CAMTA1: variants seen among roughly 807,000 people sequenced by gnomAD.
CAMTA1 encodes the protein calmodulin binding transcription activator 1, also known as calmodulin-binding transcription activator 1.
CAMTA1 carries 27 observed loss-of-function variants against 170.9 expected under a neutral mutation model. That is an observed-to-expected ratio of 0.16 (90% CI 0.12 to 0.22). The LOEUF is 0.22. Ranked by LOEUF, CAMTA1 falls within the 10% of genes least tolerant of loss-of-function variation. CAMTA1 has a pLI of 1.00. For missense variants in CAMTA1, 1,619 were observed against 2,217.2 expected, an observed-to-expected ratio of 0.73 and a Z score of 5.42; for synonymous variants, 833 against 891.5, an observed-to-expected ratio of 0.93 and a Z score of 1.17.
chr1:7,371,723 C>T (rs959464003), intron 5 of CAMTA1, among the ~76,000 whole-genome samples: 1 of 152,204 alleles, frequency 6.6e-6, no homozygotes, highest in Non-Finnish European at 1.5e-5. Flanking sequence ...CTGCCCACAT[C>T]CCCGACATTC....
chr1:6,885,187 G>T (rs1672868581), intron 3 of CAMTA1, among the ~76,000 whole-genome samples: 1 of 152,130 alleles, frequency 6.6e-6, no homozygotes, highest in Non-Finnish European at 1.5e-5. Flanking sequence ...GAATGGACTG[G>T]AATAAATCCC....
At chr1:6,816,691 C>T (rs1570394039) in intron 1 of CAMTA1, among the ~76,000 whole-genome samples, 3 of 152,260 alleles carry the variant, frequency 2.0e-5, no homozygotes, top group South Asian at 4.1e-4. Context: ...CTGATTTGCC[C>T]GGACTTCTTA....
intron 3 of CAMTA1, among the ~76,000 whole-genome samples, chr1:7,051,156 G>C (rs549922601): frequency 6.6e-6 from 1 of 152,146 alleles, no homozygotes. Flanking sequence ...AGTGCTTAGC[G>C]GAAGGTTGAT....
At chr1:6,953,370 CA>C (rs979243822) in intron 3 of CAMTA1, among the ~76,000 whole-genome samples, 2 of 152,216 alleles carry the variant, frequency 1.3e-5, no homozygotes, top group African/African-American at 4.8e-5. Flanking sequence ...GGAACGTGGC[CA>C]AGATCTCAGT....
chr1:7,675,568 G>A (rs566428755), intron 10 of CAMTA1, among the ~76,000 whole-genome samples: 3 of 152,304 alleles, frequency 2.0e-5, no homozygotes, highest in African/African-American at 7.2e-5. Context: ...ACTCCCCCTG[G>A]TTTCCTGTAG....
chr1:7,643,727 T>C (rs893647549), intron 7 of CAMTA1, among the ~76,000 whole-genome samples: 1 of 152,240 alleles, frequency 6.6e-6, no homozygotes, highest in African/African-American at 2.4e-5. Flanking sequence ...AGCTCTCTGG[T>C]GTCTTGGGCT....
intron 3 of CAMTA1, among the ~76,000 whole-genome samples, chr1:6,974,881 T>C (rs1693139708): frequency 6.6e-6 from 1 of 152,224 alleles, no homozygotes; most frequent in Non-Finnish European, 1.5e-5. Flanking sequence ...AAAAAATTTA[T>C]CTGACAAATA....
Position 7,249,349 on chromosome 1 carries a change from G to A in CAMTA1, c.303-142G>A, listed in dbSNP as rs1331046146. 8 of 845,594 alleles carry A rather than the reference G, an allele frequency of 9.5e-6. No homozygotes were observed. The highest frequency in any genetic ancestry group is 1.4e-5 in the Non-Finnish European group (8 of 552,932). 52.4% of individuals were successfully genotyped at this position (845,594 alleles called of 1,614,324 possible). On this transcript the variant is annotated intron_variant, in intron 4 of 22. Coordinates refer to ENST00000303635, the MANE Select transcript of CAMTA1 (RefSeq NM_015215.4). The surrounding 1 kb of genome is among the most constrained non-coding windows in gnomAD (Gnocchi z 4.4). ...TAAAACATGGTTAATCCAGGGAGAT[G>A]CAATAAAAGGTGAAAAATTATGTTC...
chr1:7,462,358 C>T (rs987535242), intron 5 of CAMTA1, among the ~76,000 whole-genome samples: 2 of 152,150 alleles, frequency 1.3e-5, no homozygotes, highest in Non-Finnish European at 2.9e-5. Context: ...CTCCACCTCC[C>T]AGGTTCAAGC....
Position 7,354,473 on chromosome 1 carries a change from A to T in CAMTA1, c.438+104847A>T, listed in dbSNP as rs554306279. On this transcript the variant is annotated intron_variant, in intron 5 of 22. Coordinates refer to ENST00000303635, the MANE Select transcript of CAMTA1 (RefSeq NM_015215.4). ...CTACCACATTTTCTTTATCCAATCC[A>T]GTGTTCATGGGCACCTAGGTTGATT... 3.2e-3 allele frequency among the ~76,000 whole-genome samples: 488 copies of T among 152,248 alleles called. 4 individuals are homozygous for T. Among genetic ancestry groups the T allele is most frequent in the African/African-American group, 0.011 (467 of 41,534 alleles).
At chr1:7,425,529 T>G (rs2091831619) in intron 5 of CAMTA1, among the ~76,000 whole-genome samples, 1 of 151,876 alleles carries the variant, frequency 6.6e-6, no homozygotes, top group South Asian at 2.1e-4. Flanking sequence ...CCATGGCAGA[T>G]AAAGGGAGAG....
Position 6,979,913 on chromosome 1 carries a change from C to G in CAMTA1, c.235-111391C>G, listed in dbSNP as rs577468854. On this transcript the variant is annotated intron_variant, in intron 3 of 22. Transcript: ENST00000303635. Reference sequence around the variant, plus strand: ...CTCATCTAGCTTTCCTGGCTCTCCACAGCTGTTTGAGGGCTCAGCCCACTA... The same window carrying G: ...CTCATCTAGCTTTCCTGGCTCTCCAGAGCTGTTTGAGGGCTCAGCCCACTA... 3.9e-5 allele frequency among the ~76,000 whole-genome samples: 6 copies of G among 152,276 alleles called. No individual in the cohort carries two copies. The South Asian group carries it at 1.0e-3, about 26-fold the overall frequency.
In CAMTA1 at chr1:6,847,160, C is replaced by T. The variant is rs151154546; in HGVS notation, c.234+21950C>T. 4.6e-5 allele frequency among the ~76,000 whole-genome samples: 7 copies of T among 151,788 alleles called. No homozygotes were observed. In the East Asian group the frequency reaches 9.7e-4, roughly 21 times the overall value. On this transcript the variant is annotated intron_variant, in intron 3 of 22. Coordinates refer to ENST00000303635, the MANE Select transcript of CAMTA1 (RefSeq NM_015215.4). ...CTGGGATTATAGGCTTGTGCCACTG[C>T]GCCTGGCTTATTTTTCTACTTTTTA...
intron 6 of CAMTA1, among the ~76,000 whole-genome samples, chr1:7,578,354 G>A (rs1256997708): frequency 1.3e-5 from 2 of 152,214 alleles, no homozygotes; most frequent in Non-Finnish European, 2.9e-5. Flanking sequence ...CCTCCAGGGA[G>A]CCGGGAGCAC....
At position 7,044,162 on chromosome 1, in the gene CAMTA1, CACAT is replaced by C. The variant is rs1242063865; in HGVS notation, c.235-47141_235-47138del. On this transcript the variant is annotated intron_variant, in intron 3 of 22. Transcript: ENST00000303635. This position sits in a 1 kb window ranked among gnomAD's most constrained non-coding sequence, Gnocchi z 5.0. ...GGCACGTGGGTGTCACATATGCACA[CACAT>C]GCATGCACAGCGCATGGCTGGGGCT... 1.3e-5 allele frequency among the ~76,000 whole-genome samples: 2 copies of C among 152,246 alleles called. No individual in the cohort carries two copies. The highest frequency in any genetic ancestry group is 3.9e-4 in the East Asian group (2 of 5,194).
At chr1:7,259,752 T>C (rs1228495922) in intron 5 of CAMTA1, among the ~76,000 whole-genome samples, 1 of 152,210 alleles carries the variant, frequency 6.6e-6, no homozygotes, top group African/African-American at 2.4e-5. Context: ...ATTCTGCCCT[T>C]GGCAATGAGC....
chr1:7,261,985 G>T (rs1052904656), intron 5 of CAMTA1, among the ~76,000 whole-genome samples: 7 of 151,746 alleles, frequency 4.6e-5, no homozygotes, highest in Admixed American at 2.0e-4. Context: ...TACATGCTGT[G>T]CAGCAGAAGC....
At chr1:7,480,290 CGTGT>C (rs574052710) in intron 6 of CAMTA1, among the ~76,000 whole-genome samples, 2 of 142,922 alleles carry the variant, frequency 1.4e-5, no homozygotes, top group Non-Finnish European at 3.0e-5. Flanking sequence ...TGTATGAGTG[CGTGT>C]GTGTATGAGT....
At position 7,681,081 on chromosome 1, in the gene CAMTA1, A is replaced by T. The variant is rs919361268; in HGVS notation, c.2914+3348A>T. On this transcript the variant is annotated intron_variant, in intron 11 of 22. Transcript: ENST00000303635. This position sits in a 1 kb window ranked among gnomAD's most constrained non-coding sequence, Gnocchi z 4.6. Reference sequence around the variant, plus strand: ...CGTGGAGATGGGGGAAGGTGGGAGGAGGAATCGCAGCCTTCTGGATCCCGG... The same window carrying T: ...CGTGGAGATGGGGGAAGGTGGGAGGTGGAATCGCAGCCTTCTGGATCCCGG... Among the ~76,000 whole-genome samples the T allele has an allele frequency of 2.0e-5, 3 of 152,038 alleles. No homozygotes were observed. Among genetic ancestry groups the T allele is most frequent in the Non-Finnish European group, 2.9e-5 (2 of 67,984 alleles).
Sources: allele counts gnomAD v4.1 joint callset (sites outside exome capture counted in the v4.1 genomes callset), GRCh38; gene constraint gnomAD v4.1.1; non-coding constraint Gnocchi (gnomAD v3.1); transcripts MANE v1.5; gene names NCBI Gene and HGNC (gene_info 2026-07-23, HGNC 2026-07-21).